CCDC91: variants seen among roughly 807,000 people sequenced by gnomAD.
CCDC91 encodes coiled-coil domain containing 91, also known as coiled-coil domain-containing protein 91.
CCDC91 carries 48 observed loss-of-function variants against 63.2 expected under a neutral mutation model. The observed-to-expected ratio is 0.76, with a 90% CI of 0.60 to 0.97. CCDC91 has a LOEUF of 0.97. CCDC91 is among the 50% of genes least tolerant of loss of function. The pLI is 0.00. For missense variants in CCDC91, 500 were observed against 494.6 expected, an observed-to-expected ratio of 1.01 and a Z score of -0.10; for synonymous variants, 167 against 165.8, an observed-to-expected ratio of 1.01 and a Z score of -0.06.
At chr12:28,273,659 T>C (rs1947960620) in intron 3 of CCDC91, among the ~76,000 whole-genome samples, 3 of 152,154 alleles carry the variant, frequency 2.0e-5, no homozygotes, top group African/African-American at 2.4e-5. Context: ...TGTCTGTTCA[T>C]ATCCTTCGCC....
At chr12:28,391,210 T>A in intron 7 of CCDC91, 94 bp from the exon 8 acceptor site, 1 of 664,856 alleles carries the variant, frequency 1.5e-6, no homozygotes, top group East Asian at 2.7e-5. Context: ...GAATATCGTA[T>A]TACAGTATGT....
chr12:28,520,343 G>T (rs939177117), intron 12 of CCDC91, among the ~76,000 whole-genome samples: 1 of 152,120 alleles, frequency 6.6e-6, no homozygotes, highest in Non-Finnish European at 1.5e-5. Flanking sequence ...ATTTTTTCAT[G>T]TGCCTGTTGG....
chr12:28,518,807 T>A (rs1041521986), intron 12 of CCDC91, among the ~76,000 whole-genome samples: 2 of 152,096 alleles, frequency 1.3e-5, no homozygotes, highest in Non-Finnish European at 2.9e-5. Flanking sequence ...AAGTCCTTGA[T>A]CCATCTTGAG....
intron 12 of CCDC91, among the ~76,000 whole-genome samples, chr12:28,527,760 G>A (rs768317683): frequency 6.6e-6 from 1 of 152,154 alleles, no homozygotes; most frequent in African/African-American, 2.4e-5. Flanking sequence ...CTCTACTTGG[G>A]CAGGTCTTGC....
intron 12 of CCDC91, among the ~76,000 whole-genome samples, chr12:28,517,547 A>G (rs1940087232): frequency 6.6e-6 from 1 of 151,938 alleles, no homozygotes; most frequent in Non-Finnish European, 1.5e-5. Context: ...TCAATATTCC[A>G]TGGCACATAT....
chr12:28,405,446 T>C (rs1946877957), intron 8 of CCDC91, among the ~76,000 whole-genome samples: 3 of 152,132 alleles, frequency 2.0e-5, no homozygotes, highest in Non-Finnish European at 4.4e-5. Flanking sequence ...AAAGAAAAAG[T>C]TTTAATTCAC....
chr12:28,395,493 G>A (rs1482346436), intron 8 of CCDC91, among the ~76,000 whole-genome samples: 3 of 152,200 alleles, frequency 2.0e-5, no homozygotes, highest in Admixed American at 6.5e-5. Flanking sequence ...CTTCCAGTTT[G>A]ATAATTTGCT....
intron 1 of CCDC91, among the ~76,000 whole-genome samples, chr12:28,244,298 C>G (rs1202127490): frequency 2.0e-5 from 3 of 151,732 alleles, no homozygotes; most frequent in Non-Finnish European, 1.5e-5. Flanking sequence ...AACCAGTCAA[C>G]CAACCATCAT....
At chr12:28,333,519 A>G (rs1446643889) in intron 6 of CCDC91, among the ~76,000 whole-genome samples, 2 of 152,170 alleles carry the variant, frequency 1.3e-5, no homozygotes, top group Admixed American at 1.3e-4. Flanking sequence ...TTTAGCCAGT[A>G]GGCAAACTCT....
chr12:28,516,852 T>C (rs1402821688), intron 12 of CCDC91, among the ~76,000 whole-genome samples: 1 of 151,900 alleles, frequency 6.6e-6, no homozygotes, highest in East Asian at 1.9e-4. Flanking sequence ...AGAGCCCTCA[T>C]GATAATCACC....
At chr12:28,341,207 G>T (rs1565824945) in intron 6 of CCDC91, among the ~76,000 whole-genome samples, 1 of 152,150 alleles carries the variant, frequency 6.6e-6, no homozygotes, top group Non-Finnish European at 1.5e-5. Flanking sequence ...GTCTCTGCCT[G>T]CTAGGGTCTC....
chr12:28,395,854 G>T (rs1288071305), intron 8 of CCDC91, among the ~76,000 whole-genome samples: 1 of 152,134 alleles, frequency 6.6e-6, no homozygotes, highest in Non-Finnish European at 1.5e-5. Flanking sequence ...ATACATAGAA[G>T]TGCTGTGCTT....
At chr12:28,304,375 TAAAAAAAAAAAAAAAAAAAAA>T (rs777296414) in intron 3 of CCDC91, among the ~76,000 whole-genome samples, 3 of 73,596 alleles carry the variant, frequency 4.1e-5, no homozygotes, top group African/African-American at 1.8e-4. Context: ...AGACTCCGTC[TAAAAAAAAAAAAAAAAAAAAA>T]AAAAAGAAAA....
At chr12:28,373,399 A>G (rs1047964080) in intron 7 of CCDC91, among the ~76,000 whole-genome samples, 8 of 151,776 alleles carry the variant, frequency 5.3e-5, no homozygotes, top group Non-Finnish European at 1.0e-4. Context: ...AGCCATTCAT[A>G]TTTTTTCTCC....
At chr12:28,312,742 T>TG (rs1195988526) in intron 6 of CCDC91, among the ~76,000 whole-genome samples, 1 of 152,042 alleles carries the variant, frequency 6.6e-6, no homozygotes, top group African/African-American at 2.4e-5. Flanking sequence ...AATTGAATCA[T>TG]GGGGATGTGT....
chr12:28,488,489 A>G (rs1033603145), intron 12 of CCDC91, among the ~76,000 whole-genome samples: 1 of 151,970 alleles, frequency 6.6e-6, no homozygotes, highest in Admixed American at 6.6e-5. Context: ...TAGTTTTAGT[A>G]ATAAAAATGC....
intron 3 of CCDC91, among the ~76,000 whole-genome samples, chr12:28,286,963 C>G (rs1948951170): frequency 6.6e-6 from 1 of 151,972 alleles, no homozygotes; most frequent in African/African-American, 2.4e-5. Flanking sequence ...CTCTAGTGAT[C>G]AGTGATGTTC....
At chr12:28,216,566 T>C (rs1943572217) in intron 1 of CCDC91, among the ~76,000 whole-genome samples, 2 of 151,948 alleles carry the variant, frequency 1.3e-5, no homozygotes, top group African/African-American at 4.8e-5. Flanking sequence ...AAAACACCAT[T>C]AATTGGTTTT....
At chr12:28,535,642 G>T (rs1251790379) in intron 12 of CCDC91, among the ~76,000 whole-genome samples, 4 of 152,176 alleles carry the variant, frequency 2.6e-5, no homozygotes, top group Admixed American at 6.5e-5. Context: ...CTTCAGTACA[G>T]TAGAAATGAT....
Sources: allele counts gnomAD v4.1 joint callset (sites outside exome capture counted in the v4.1 genomes callset), GRCh38; gene constraint gnomAD v4.1.1; transcripts MANE v1.5; gene names NCBI Gene and HGNC (gene_info 2026-07-23, HGNC 2026-07-21).